Variants in ALPK1 observed in about 807,000 individuals in gnomAD.
The protein encoded by ALPK1 is alpha kinase 1, also known as alpha-protein kinase 1.
Under a neutral mutation model 120.6 loss-of-function variants are expected in ALPK1, and 110 were observed. The ratio of observed to expected loss-of-function variants is 0.91; its 90% CI spans 0.78 to 1.07. The LOEUF (loss-of-function observed/expected upper bound fraction) is 1.07, where lower values mean the gene tolerates loss of function less well. ALPK1 is among the 50% of genes least tolerant of loss of function. ALPK1 has a pLI of 0.00. For synonymous variants in ALPK1, 582 were observed against 560.3 expected (o/e 1.04, Z -0.55); for missense variants, 1,498 against 1,483.9 (o/e 1.01, Z -0.16).
intron 8 of ALPK1, 50 bp from the exon 9 acceptor site, chr4:112,427,520 T>C (rs1442241492): frequency 7.7e-7 from 1 of 1,301,402 alleles, no homozygotes; most frequent in Admixed American, 1.7e-5. Context: ...ATGAGAGCAG[T>C]AATCCACTGT....
intron 4 of ALPK1, among the ~76,000 whole-genome samples, chr4:112,387,349 G>A (rs1313734101): frequency 2.6e-5 from 4 of 152,246 alleles, no homozygotes; most frequent in Non-Finnish European, 4.4e-5. Flanking sequence ...GCCAAGAGCT[G>A]TGTGATAGCC....
At chr4:112,389,307 G>C (rs879654167) in intron 4 of ALPK1, among the ~76,000 whole-genome samples, 2 of 152,176 alleles carry the variant, frequency 1.3e-5, no homozygotes, top group Non-Finnish European at 1.5e-5. Flanking sequence ...CCTAACCAAA[G>C]TGCTGAGATT....
chr4:112,383,037 G>A (rs1731994708), intron 4 of ALPK1: 1 of 156,860 alleles, frequency 6.4e-6, no homozygotes, highest in East Asian at 1.9e-4. Context: ...GATTAAGGCT[G>A]TTCAGGAAGC....
chr4:112,410,481 T>C (rs1309836267), intron 4 of ALPK1, among the ~76,000 whole-genome samples: 1 of 152,246 alleles, frequency 6.6e-6, no homozygotes, highest in Non-Finnish European at 1.5e-5. Context: ...TTTTGCCCAG[T>C]AAGTGTTAGT....
At chr4:112,417,313 T>C (rs1483124271) in intron 5 of ALPK1, among the ~76,000 whole-genome samples, 1 of 152,132 alleles carries the variant, frequency 6.6e-6, no homozygotes, top group Non-Finnish European at 1.5e-5. Context: ...GGTAAATACA[T>C]TTAGCCATAT....
chr4:112,419,670 A>G (rs983762380), intron 5 of ALPK1, among the ~76,000 whole-genome samples: 1 of 152,208 alleles, frequency 6.6e-6, no homozygotes, highest in Admixed American at 6.5e-5. Context: ...TCTGATGAGA[A>G]TGTGAGGAAA....
chr4:112,392,186 G>A (rs1353193757), intron 4 of ALPK1, among the ~76,000 whole-genome samples: 1 of 152,134 alleles, frequency 6.6e-6, no homozygotes, highest in Non-Finnish European at 1.5e-5. Flanking sequence ...TGTCCTAGAT[G>A]TCTCAAGTTC....
At chr4:112,335,809 C>T (rs1729593908) in intron 2 of ALPK1, among the ~76,000 whole-genome samples, 1 of 152,174 alleles carries the variant, frequency 6.6e-6, no homozygotes, top group Non-Finnish European at 1.5e-5. Context: ...TCTTGGACTT[C>T]TCCTGAGGAG....
chr4:112,407,660 A>AT (rs1733248268), intron 4 of ALPK1, among the ~76,000 whole-genome samples: 1 of 152,160 alleles, frequency 6.6e-6, no homozygotes, highest in African/African-American at 2.4e-5. Flanking sequence ...GTGTGTGAAC[A>AT]TTTTTTATAG....
intron 8 of ALPK1, among the ~76,000 whole-genome samples, chr4:112,426,965 A>G (rs1329692203): frequency 6.6e-6 from 1 of 152,222 alleles, no homozygotes; most frequent in Non-Finnish European, 1.5e-5. Context: ...GAGGAAGGTC[A>G]TCTGCCTTCC....
At chr4:112,413,954 A>T (rs143820289) in intron 5 of ALPK1, among the ~76,000 whole-genome samples, 1 of 152,220 alleles carries the variant, frequency 6.6e-6, no homozygotes, top group African/African-American at 2.4e-5. Context: ...TGCCACAGAA[A>T]GACAAATATA....
chr4:112,441,290 A>T lies in ALPK1; in HGVS notation c.*80A>T. The T allele has an allele frequency of 1.0e-6, 1 of 958,468 alleles. No homozygotes were observed. The highest frequency in any genetic ancestry group is 1.7e-6 in the Non-Finnish European group (1 of 581,078). The allele number at this position is 958,468 out of a possible 1,614,324, so 59.4% of individuals were successfully genotyped here. ...GGCCAATGATTTGCAAGAGGAATTG[A>T]TCAGTATCACTTTAAGTCCTGCATT... On this transcript the variant is annotated 3_prime_UTR_variant, in exon 16 of 16. Transcript: ENST00000650871.
At chr4:112,367,777 A>C (rs145309475) in intron 2 of ALPK1, among the ~76,000 whole-genome samples, 1 of 152,076 alleles carries the variant, frequency 6.6e-6, no homozygotes, top group African/African-American at 2.4e-5. Flanking sequence ...CTTTTCTACA[A>C]ATTATTTCCT....
intron 4 of ALPK1, among the ~76,000 whole-genome samples, chr4:112,396,381 A>C (rs2148737806): frequency 6.6e-6 from 1 of 152,280 alleles, no homozygotes; most frequent in South Asian, 2.1e-4. Context: ...GATACTAGAA[A>C]CTGTAAACCT....
At chr4:112,375,272 TG>T (rs1731603180) in intron 2 of ALPK1, among the ~76,000 whole-genome samples, 2 of 151,438 alleles carry the variant, frequency 1.3e-5, no homozygotes, top group Admixed American at 1.3e-4. Context: ...CTCAATCTCC[TG>T]GGCTCAAGCA....
intron 13 of ALPK1, 98 bp from the exon 14 acceptor site, chr4:112,439,588 C>T: frequency 1.0e-6 from 1 of 975,612 alleles, no homozygotes; most frequent in Non-Finnish European, 1.5e-6. Flanking sequence ...CTCAGAGAAG[C>T]AAAGTGGCAG....
chr4:112,333,416 T>C (rs1326294423), intron 2 of ALPK1, among the ~76,000 whole-genome samples: 1 of 152,220 alleles, frequency 6.6e-6, no homozygotes, highest in African/African-American at 2.4e-5. Flanking sequence ...AGTGATACGC[T>C]GCAGGGTTGA....
chr4:112,425,634 A>C, intron 6 of ALPK1, 31 bp from the exon 7 acceptor site: 1 of 1,582,268 alleles, frequency 6.3e-7, no homozygotes, highest in Non-Finnish European at 8.7e-7. Context: ...TATCTCTGAT[A>C]ATTCAAGGGA....
intron 2 of ALPK1, among the ~76,000 whole-genome samples, chr4:112,341,480 T>C (rs752814148): frequency 1.2e-4 from 19 of 152,232 alleles, no homozygotes; most frequent in Non-Finnish European, 2.6e-4. Flanking sequence ...AAGGAAGTGC[T>C]TCAGTAGTAT....
Sources: gnomAD v4.1 joint callset for allele counts (sites outside exome capture counted in the v4.1 genomes callset) on GRCh38, gnomAD v4.1.1 for gene constraint, MANE v1.5 for transcripts, NCBI Gene and HGNC (gene_info 2026-07-23, HGNC 2026-07-21) for gene names.